TMEM38B: variants seen among roughly 807,000 people sequenced by gnomAD.
TMEM38B encodes the protein transmembrane protein 38B, also known as trimeric intracellular cation channel type B.
Under a neutral mutation model 28.7 loss-of-function variants are expected in TMEM38B, and 24 were observed. That is an observed-to-expected ratio of 0.84 (90% CI 0.61 to 1.18). The LOEUF (loss-of-function observed/expected upper bound fraction) is 1.18, where lower values mean the gene tolerates loss of function less well. Ranked by LOEUF, TMEM38B falls within the 50% of genes most tolerant of loss-of-function variation. The pLI, the probability that TMEM38B is intolerant of heterozygous loss-of-function variation, is 0.00. For synonymous variants in TMEM38B, 131 were observed against 127.7 expected (o/e 1.03, Z -0.17); for missense variants, 380 against 350.9 (o/e 1.08, Z -0.66).
chr9:105,703,024 C>A (rs1228130102), intron 1 of TMEM38B, among the ~76,000 whole-genome samples: 1 of 151,148 alleles, frequency 6.6e-6, no homozygotes, highest in Non-Finnish European at 1.5e-5. Flanking sequence ...TAATTATTTG[C>A]ATTTTAAACA....
chr9:105,724,855 T>A (rs1160847077), intron 4 of TMEM38B, among the ~76,000 whole-genome samples: 1 of 152,178 alleles, frequency 6.6e-6, no homozygotes, highest in African/African-American at 2.4e-5. Flanking sequence ...ACACCTTCCA[T>A]AAAACATTTT....
chr9:105,710,602 C>G, intron 2 of TMEM38B: 1 of 799,616 alleles, frequency 1.3e-6, no homozygotes, highest in Non-Finnish European at 2.2e-6. Flanking sequence ...CAGGAACACC[C>G]TCAAATTGAA....
At chr9:105,759,606 G>A in intron 5 of TMEM38B, 1 of 1,569,150 alleles carries the variant, frequency 6.4e-7, no homozygotes. Context: ...ATGTGTCAGG[G>A]AATTCAAGTA....
At chr9:105,697,120 T>G (rs1350069462) in intron 1 of TMEM38B, among the ~76,000 whole-genome samples, 1 of 152,242 alleles carries the variant, frequency 6.6e-6, no homozygotes, top group African/African-American at 2.4e-5. Flanking sequence ...TTCTGTGTTT[T>G]TGGACAGACA....
intron 4 of TMEM38B, 52 bp downstream of exon 4, chr9:105,722,673 C>A: frequency 3.4e-6 from 5 of 1,455,196 alleles, no homozygotes; most frequent in Non-Finnish European, 4.8e-6. Context: ...TTAGATCTTA[C>A]CAAATTCCTT....
chr9:105,738,478 A>G (rs1564403321), intron 4 of TMEM38B, among the ~76,000 whole-genome samples: 1 of 151,452 alleles, frequency 6.6e-6, no homozygotes, highest in Non-Finnish European at 1.5e-5. Context: ...TTTCATCAAG[A>G]TGTAGTTGTT....
rs1837960317 is a variant in TMEM38B at position 105,759,582 on chromosome 9, G to A, written c.660+11392G>A. 2.6e-6 allele frequency: 4 copies of A among 1,558,630 alleles called. No individual in the cohort carries two copies. In the South Asian group the frequency reaches 3.4e-5, roughly 13 times the overall value. On this transcript the variant is annotated intron_variant, in intron 5 of 5. Coordinates refer to ENST00000374692, the MANE Select transcript of TMEM38B (RefSeq NM_018112.3). ...ATAGCAAACCAAGTTGCTGTTCTTT[G>A]GAAGGAATTGTAGATGTGTCAGGGA... is the stretch of plus-strand genomic sequence containing the variant.
chr9:105,759,111 A>G (rs1837940086), intron 5 of TMEM38B: 4 of 783,890 alleles, frequency 5.1e-6, no homozygotes, highest in South Asian at 4.0e-5. Context: ...AAGTGATGAT[A>G]CGAATAATCC....
At chr9:105,761,878 T>C (rs1235053685) in intron 5 of TMEM38B, among the ~76,000 whole-genome samples, 1 of 152,210 alleles carries the variant, frequency 6.6e-6, no homozygotes, top group Non-Finnish European at 1.5e-5. Context: ...AACATTTTTA[T>C]AAGTGTCAAG....
At chr9:105,746,103 T>C (rs1435494260) in intron 4 of TMEM38B, among the ~76,000 whole-genome samples, 2 of 152,208 alleles carry the variant, frequency 1.3e-5, no homozygotes, top group Non-Finnish European at 2.9e-5. Context: ...AGTAGTTTTT[T>C]CCAATTCTGT....
intron 4 of TMEM38B, among the ~76,000 whole-genome samples, chr9:105,747,240 G>T (rs1485007558): frequency 6.6e-6 from 1 of 152,166 alleles, no homozygotes; most frequent in Non-Finnish European, 1.5e-5. Context: ...ATTAATTATT[G>T]CCTCAATTTC....
chr9:105,748,954 G>T (rs908504345), intron 5 of TMEM38B: 1 of 672,254 alleles, frequency 1.5e-6, no homozygotes, highest in African/African-American at 1.9e-5. Context: ...CTCTGTTTTA[G>T]ACTAGATATT....
At chr9:105,733,595 C>G (rs1836856779) in intron 4 of TMEM38B, among the ~76,000 whole-genome samples, 1 of 151,850 alleles carries the variant, frequency 6.6e-6, no homozygotes. Flanking sequence ...CCATCTAGTT[C>G]TGGGCTTTTT....
At chr9:105,749,242 C>A in intron 5 of TMEM38B, 2 of 484,074 alleles carry the variant, frequency 4.1e-6, no homozygotes, top group Non-Finnish European at 6.2e-6. Flanking sequence ...TGTTCTCATG[C>A]TGCTAATAAA....
chr9:105,734,540 G>C (rs138706156), intron 4 of TMEM38B, among the ~76,000 whole-genome samples: 2 of 151,770 alleles, frequency 1.3e-5, no homozygotes, highest in African/African-American at 4.8e-5. Context: ...AGGTATTGAC[G>C]TACCCTACTA....
Position 105,694,595 on chromosome 9 carries a change from C to T in TMEM38B, c.-66C>T, listed in dbSNP as rs571840672. 2.2e-6 allele frequency: 3 copies of T among 1,387,490 alleles called. No homozygotes were observed. Among genetic ancestry groups the T allele is most frequent in the African/African-American group, 1.4e-5 (1 of 69,902 alleles). The allele number at this position is 1,387,490 out of a possible 1,614,324, so 85.9% of individuals were successfully genotyped here. A position where few individuals can be genotyped will look rare whatever the true frequency, so the allele number is the denominator to read the frequency against. ...GGCCGCGGCTGTGCCCTCTCCTACT[C>T]CTCACCGCGCGAGCGCGGGGAACCA... On this transcript the variant is annotated 5_prime_UTR_variant, in exon 1 of 6. Coordinates refer to ENST00000374692, the MANE Select transcript of TMEM38B (RefSeq NM_018112.3).
intron 4 of TMEM38B, among the ~76,000 whole-genome samples, chr9:105,739,185 A>T (rs973632631): frequency 6.6e-6 from 1 of 152,146 alleles, no homozygotes; most frequent in African/African-American, 2.4e-5. Context: ...TTATTTCTAG[A>T]CTGTCTGTTC....
intron 4 of TMEM38B, among the ~76,000 whole-genome samples, chr9:105,742,294 G>C (rs1837236651): frequency 6.6e-6 from 1 of 152,174 alleles, no homozygotes; most frequent in Admixed American, 6.5e-5. Flanking sequence ...AGGTGCAGAG[G>C]TCAGAACCAC....
chr9:105,755,553 C>T (rs546550687), intron 5 of TMEM38B, among the ~76,000 whole-genome samples: 7 of 152,146 alleles, frequency 4.6e-5, no homozygotes, highest in Non-Finnish European at 1.0e-4. Flanking sequence ...GGATCACTAC[C>T]ATTGCCATAT....
Sources: allele counts gnomAD v4.1 joint callset (sites outside exome capture counted in the v4.1 genomes callset), GRCh38; gene constraint gnomAD v4.1.1; transcripts MANE v1.5; gene names NCBI Gene and HGNC (gene_info 2026-07-23, HGNC 2026-07-21).